GALNTL6: variants seen among roughly 807,000 people sequenced by gnomAD.
GALNTL6 encodes polypeptide N-acetylgalactosaminyltransferase-like 6.
In GALNTL6, 46 loss-of-function variants were observed where a neutral mutation model predicts 73.7. The observed-to-expected ratio is 0.62, with a 90% CI of 0.49 to 0.80. The LOEUF is 0.80. Ranked by LOEUF, GALNTL6 falls within the 30% of genes least tolerant of loss-of-function variation. The pLI is 0.00. For missense variants in GALNTL6, 604 were observed against 755.0 expected, an observed-to-expected ratio of 0.80 and a Z score of 2.34; for synonymous variants, 259 against 263.7, an observed-to-expected ratio of 0.98 and a Z score of 0.17.
chr4:171,852,094 A>T, intron 2 of GALNTL6, among the ~76,000 whole-genome samples: 1 of 152,234 alleles, frequency 6.6e-6, no homozygotes, highest in Non-Finnish European at 1.5e-5. Flanking sequence ...TTAGAGTAGG[A>T]ATATATCAGA....
intron 2 of GALNTL6, among the ~76,000 whole-genome samples, chr4:171,988,217 A>G (rs560053328): frequency 6.1e-4 from 93 of 152,260 alleles, no homozygotes; most frequent in African/African-American, 1.9e-3. Flanking sequence ...TTCTGACCGC[A>G]CTAAGCATGC....
chr4:172,158,601 C>T (rs1324300537), intron 2 of GALNTL6, among the ~76,000 whole-genome samples: 1 of 152,152 alleles, frequency 6.6e-6, no homozygotes, highest in African/African-American at 2.4e-5. Context: ...CAGAGACTTT[C>T]TCTTATTCTC....
At chr4:172,714,375 C>T (rs1734926646) in intron 5 of GALNTL6, among the ~76,000 whole-genome samples, 1 of 151,854 alleles carries the variant, frequency 6.6e-6, no homozygotes, top group Non-Finnish European at 1.5e-5. Flanking sequence ...TGTTACTTAA[C>T]TATTGGCTCT....
At chr4:172,924,887 T>C (rs1370344863) in intron 8 of GALNTL6, among the ~76,000 whole-genome samples, 3 of 152,158 alleles carry the variant, frequency 2.0e-5, no homozygotes, top group East Asian at 1.9e-4. Context: ...TTTTTTGTTT[T>C]TTCGAGACAG....
chr4:172,096,241 C>T (rs1224331056), intron 2 of GALNTL6, among the ~76,000 whole-genome samples: 3 of 152,058 alleles, frequency 2.0e-5, no homozygotes, highest in Non-Finnish European at 4.4e-5. Context: ...ATAGCTAGGA[C>T]TACCGGTGCA....
At chr4:172,957,593 G>T (rs568552009) in intron 10 of GALNTL6, among the ~76,000 whole-genome samples, 26 of 152,170 alleles carry the variant, frequency 1.7e-4, no homozygotes, top group Non-Finnish European at 3.5e-4. Flanking sequence ...TGCAGTGAAT[G>T]ACTCTAGCTT....
intron 5 of GALNTL6, among the ~76,000 whole-genome samples, chr4:172,657,719 G>A (rs539811710): frequency 6.6e-6 from 1 of 152,292 alleles, no homozygotes; most frequent in South Asian, 2.1e-4. Context: ...TAAAATTTGC[G>A]GGTGTGGACT....
chr4:172,449,176 C>T (rs1170942252), intron 5 of GALNTL6, among the ~76,000 whole-genome samples: 1 of 152,046 alleles, frequency 6.6e-6, no homozygotes, highest in Non-Finnish European at 1.5e-5. Flanking sequence ...AGATGTTGCC[C>T]CTTCTTGTAT....
At chr4:172,796,917 T>C (rs1156658244) in intron 5 of GALNTL6, among the ~76,000 whole-genome samples, 3 of 152,228 alleles carry the variant, frequency 2.0e-5, no homozygotes, top group Non-Finnish European at 4.4e-5. Flanking sequence ...CTTTCCAATT[T>C]GTTTTTATTT....
chr4:172,965,302 T>G (rs1750272034), intron 10 of GALNTL6, among the ~76,000 whole-genome samples: 1 of 152,058 alleles, frequency 6.6e-6, no homozygotes, highest in Non-Finnish European at 1.5e-5. Context: ...ATAAACACAA[T>G]TTGTCCAGGC....
chr4:172,736,312 T>C (rs1405127962), intron 5 of GALNTL6, among the ~76,000 whole-genome samples: 1 of 152,214 alleles, frequency 6.6e-6, no homozygotes, highest in East Asian at 1.9e-4. Flanking sequence ...GAATACAATA[T>C]TTTCCCAGGG....
intron 3 of GALNTL6, among the ~76,000 whole-genome samples, chr4:172,296,492 C>T (rs2111111073): frequency 6.6e-6 from 1 of 152,230 alleles, no homozygotes; most frequent in South Asian, 2.1e-4. Flanking sequence ...AGGTATATCT[C>T]CTAATGATAT....
At chr4:172,229,591 G>A (rs996498700) in intron 2 of GALNTL6, 65 bp from the exon 3 acceptor site, 38 of 901,752 alleles carry the variant, frequency 4.2e-5, no homozygotes, top group Non-Finnish European at 6.4e-5. Context: ...GTGCCCGGCT[G>A]TGTTTACCTA....
chr4:172,331,613 T>G (rs1184879522), intron 4 of GALNTL6, among the ~76,000 whole-genome samples: 1 of 152,212 alleles, frequency 6.6e-6, no homozygotes, highest in African/African-American at 2.4e-5. Context: ...GTACCTCATT[T>G]AAGATAAATC....
intron 2 of GALNTL6, among the ~76,000 whole-genome samples, chr4:172,182,915 G>A (rs987948603): frequency 5.3e-5 from 8 of 152,016 alleles, no homozygotes; most frequent in African/African-American, 1.7e-4. Flanking sequence ...ATTAGGTAGG[G>A]TATTATATAA....
At chr4:172,904,722 A>G (rs1483618488) in intron 8 of GALNTL6, among the ~76,000 whole-genome samples, 1 of 151,710 alleles carries the variant, frequency 6.6e-6, no homozygotes, top group Non-Finnish European at 1.5e-5. Context: ...TCCCAGGCCC[A>G]GTATTATGTA....
At chr4:172,679,821 C>A (rs1293971563) in intron 5 of GALNTL6, among the ~76,000 whole-genome samples, 1 of 152,206 alleles carries the variant, frequency 6.6e-6, no homozygotes, top group Admixed American at 6.5e-5. Context: ...AAATTTAAAC[C>A]TATTTCAGCA....
chr4:172,342,742 A>G (rs1369620717), intron 4 of GALNTL6, among the ~76,000 whole-genome samples: 2 of 152,222 alleles, frequency 1.3e-5, no homozygotes, highest in Non-Finnish European at 2.9e-5. Context: ...AGAAGGCAGA[A>G]GACTAAAATG....
chr4:172,336,904 ATG>A (rs1741348511), intron 4 of GALNTL6, among the ~76,000 whole-genome samples: 1 of 152,070 alleles, frequency 6.6e-6, no homozygotes, highest in South Asian at 2.1e-4. Flanking sequence ...AGGAGTAGAT[ATG>A]TGTTTTATAA....
Sources: allele counts gnomAD v4.1 joint callset (sites outside exome capture counted in the v4.1 genomes callset), GRCh38; gene constraint gnomAD v4.1.1; transcripts MANE v1.5; gene names NCBI Gene and HGNC (gene_info 2026-07-23, HGNC 2026-07-21).